Variants in ATP8A2 observed in about 807,000 individuals in gnomAD.
The protein encoded by ATP8A2 is phospholipid-transporting ATPase IB.
A neutral mutation model predicts 165.6 loss-of-function variants in ATP8A2; 100 were observed. That is an observed-to-expected ratio of 0.60 (90% CI 0.51 to 0.71). The LOEUF (loss-of-function observed/expected upper bound fraction) is 0.71. Among genes scored for constraint, ATP8A2 ranks in the 30% least tolerant of loss-of-function variants. ATP8A2 has a pLI of 0.00. For missense variants in ATP8A2, 1,227 were observed against 1,479.5 expected (o/e 0.83, Z 2.80); for synonymous variants, 543 against 548.8 (o/e 0.99, Z 0.15).
intron 33 of ATP8A2, among the ~76,000 whole-genome samples, chr13:25,910,018 AT>A (rs1954054404): frequency 6.6e-6 from 1 of 151,740 alleles, no homozygotes; most frequent in African/African-American, 2.4e-5. Context: ...GTATTGGCCT[AT>A]TTTGCCTGTC....
intron 25 of ATP8A2, among the ~76,000 whole-genome samples, chr13:25,732,503 C>T (rs1464016337): frequency 1.3e-5 from 2 of 152,152 alleles, no homozygotes; most frequent in Non-Finnish European, 2.9e-5. Flanking sequence ...TGAAACATCT[C>T]CTGAATTTAT....
chr13:25,896,819 G>T (rs1368852542), intron 33 of ATP8A2, among the ~76,000 whole-genome samples: 2 of 151,960 alleles, frequency 1.3e-5, no homozygotes, highest in Non-Finnish European at 2.9e-5. Context: ...ATCTTTGTTG[G>T]TTTAAAGTCT....
At chr13:25,421,357 C>G (rs1044468589) in intron 1 of ATP8A2, among the ~76,000 whole-genome samples, 1 of 152,158 alleles carries the variant, frequency 6.6e-6, no homozygotes, top group Non-Finnish European at 1.5e-5. Context: ...TTTTTACAGT[C>G]AGGGTCTCTC....
intron 2 of ATP8A2, among the ~76,000 whole-genome samples, chr13:25,469,648 G>A (rs7139493): frequency 0.23 from 34,404 of 151,920 alleles, 4,126 homozygotes; most frequent in African/African-American, 0.31. Flanking sequence ...AGAAGCTAGC[G>A]TTTAAATGTC....
chr13:25,476,058 G>A (rs573100943), intron 2 of ATP8A2, among the ~76,000 whole-genome samples: 1 of 152,156 alleles, frequency 6.6e-6, no homozygotes, highest in South Asian at 2.1e-4. Context: ...GAATATTTTT[G>A]TCTTAAGGAG....
chr13:25,703,367 T>G lies in ATP8A2; in HGVS notation c.2384+4022T>G, dbSNP rs940635857. On this transcript the variant is annotated intron_variant, in intron 25 of 36. Transcript: ENST00000381655. ...TGATGGGATTACAGGCATGAGCCAC[T>G]GCACCTGGCTGAGAACTTTTTAAAA... 2.6e-5 allele frequency among the ~76,000 whole-genome samples: 4 copies of G among 152,176 alleles called. No individual in the cohort carries two copies. In the South Asian group the frequency reaches 8.3e-4, roughly 32 times the overall value.
intron 33 of ATP8A2, among the ~76,000 whole-genome samples, chr13:25,884,608 G>T (rs2138866588): frequency 6.6e-6 from 1 of 152,366 alleles, no homozygotes; most frequent in Admixed American, 6.5e-5. Context: ...GTCTGGGACA[G>T]TGATGAGCTT....
intron 24 of ATP8A2, among the ~76,000 whole-genome samples, chr13:25,687,913 A>G (rs1038399109): frequency 2.6e-5 from 4 of 152,070 alleles, no homozygotes; most frequent in Non-Finnish European, 5.9e-5. Context: ...AAATTCAAGT[A>G]TGCTATTTCT....
chr13:25,745,933 T>C (rs1391981384), intron 25 of ATP8A2, among the ~76,000 whole-genome samples: 1 of 152,072 alleles, frequency 6.6e-6, no homozygotes, highest in African/African-American at 2.4e-5. Flanking sequence ...TGTGACAGCA[T>C]GCTAGGCAGG....
chr13:25,972,944 A>G (rs1173899231), intron 35 of ATP8A2, among the ~76,000 whole-genome samples: 1 of 152,174 alleles, frequency 6.6e-6, no homozygotes, highest in Non-Finnish European at 1.5e-5. Flanking sequence ...AAAAGGGGGA[A>G]TATATTTGTT....
intron 33 of ATP8A2, among the ~76,000 whole-genome samples, chr13:25,941,570 C>A (rs9581485): frequency 0.018 from 2,702 of 152,280 alleles, 74 homozygotes; most frequent in African/African-American, 0.057. Context: ...CTCTGCTCTG[C>A]CCTAGAAGTA....
chr13:25,588,923 G>A (rs573532876), intron 23 of ATP8A2, among the ~76,000 whole-genome samples: 33 of 152,234 alleles, frequency 2.2e-4, no homozygotes, highest in South Asian at 1.5e-3. Context: ...GCTCGGCTTG[G>A]TCCATGACTG....
In ATP8A2 at chr13:25,487,065, AAGAC is replaced by A. The variant is rs529879646; in HGVS notation, c.221+17947_221+17950del. ...GTATTATCTGCTTAGTAAGACTTGAAAGACAGTCTCTAACTAAAAAGGTGAATTG... is the reference window on the plus strand; with the variant it reads ...GTATTATCTGCTTAGTAAGACTTGAAAGTCTCTAACTAAAAAGGTGAATTG... On this transcript the variant is annotated intron_variant, in intron 2 of 36. Coordinates refer to ENST00000381655, the MANE Select transcript of ATP8A2 (RefSeq NM_016529.6). 2.2e-3 allele frequency among the ~76,000 whole-genome samples: 341 copies of A among 152,320 alleles called. 1 individual carries two copies. Among genetic ancestry groups the A allele is most frequent in the South Asian group, 0.021 (100 of 4,824 alleles).
At chr13:25,633,594 C>T (rs2041299440) in intron 24 of ATP8A2, among the ~76,000 whole-genome samples, 1 of 152,136 alleles carries the variant, frequency 6.6e-6, no homozygotes, top group South Asian at 2.1e-4. Context: ...GAAGTAGCCA[C>T]CTTGTGTCAT....
intron 2 of ATP8A2, among the ~76,000 whole-genome samples, chr13:25,474,827 G>GTTA (rs1046879979): frequency 7.3e-5 from 11 of 151,374 alleles, no homozygotes; most frequent in African/African-American, 1.5e-4. Flanking sequence ...GTACTCAATA[G>GTTA]TTATTATTAT....
intron 25 of ATP8A2, among the ~76,000 whole-genome samples, chr13:25,749,984 G>A (rs1417211600): frequency 6.6e-6 from 1 of 152,050 alleles, no homozygotes. Context: ...AACATAGCAA[G>A]ACCACATCTC....
At chr13:25,629,528 A>G (rs988118352) in intron 24 of ATP8A2, among the ~76,000 whole-genome samples, 10 of 152,176 alleles carry the variant, frequency 6.6e-5, no homozygotes, top group Non-Finnish European at 1.2e-4. Context: ...CGAAATATAA[A>G]TATCTTTATT....
intron 2 of ATP8A2, among the ~76,000 whole-genome samples, chr13:25,514,669 G>A (rs951617704): frequency 8.5e-5 from 13 of 152,306 alleles, no homozygotes; most frequent in Admixed American, 3.3e-4. Context: ...AGTTTATCTT[G>A]TGGGGTTCCT....
intron 33 of ATP8A2, among the ~76,000 whole-genome samples, chr13:25,928,849 C>T (rs1287224021): frequency 6.6e-6 from 1 of 152,140 alleles, no homozygotes; most frequent in Non-Finnish European, 1.5e-5. Flanking sequence ...TGTGAAAATA[C>T]GAAATCTGAA....
Sources: allele counts gnomAD v4.1 joint callset (sites outside exome capture counted in the v4.1 genomes callset), GRCh38; gene constraint gnomAD v4.1.1; transcripts MANE v1.5; gene names NCBI Gene and HGNC (gene_info 2026-07-23, HGNC 2026-07-21).